CATSPERB: variants seen among roughly 807,000 people sequenced by gnomAD.
The protein encoded by CATSPERB is cation channel sperm-associated auxiliary subunit beta.
A neutral mutation model predicts 128.3 loss-of-function variants in CATSPERB; 93 were observed. That is an observed-to-expected ratio of 0.72 (90% CI 0.61 to 0.86). The LOEUF (loss-of-function observed/expected upper bound fraction) is 0.86, where lower values mean the gene tolerates loss of function less well. CATSPERB is among the 40% of genes least tolerant of loss of function. The probability of loss-of-function intolerance (pLI) is 0.00; values close to 1 mark genes in which losing one functional copy is unlikely to be tolerated. For missense variants in CATSPERB, 1,153 were observed against 1,329.5 expected, an observed-to-expected ratio of 0.87 and a Z score of 2.06; for synonymous variants, 381 against 448.8, an observed-to-expected ratio of 0.85 and a Z score of 1.91.
chr14:91,611,183 G>A (rs1445462346), intron 20 of CATSPERB, among the ~76,000 whole-genome samples: 1 of 152,142 alleles, frequency 6.6e-6, no homozygotes, highest in African/African-American at 2.4e-5. Context: ...AGACATGACA[G>A]AAGTAGAAAA....
At chr14:91,664,535 G>C (rs574792719) in intron 14 of CATSPERB, among the ~76,000 whole-genome samples, 87 of 151,948 alleles carry the variant, frequency 5.7e-4, no homozygotes, top group African/African-American at 2.1e-3. Flanking sequence ...CAAAGTGCTG[G>C]GATTACAGTC....
chr14:91,672,022 A>AAACAACAACAACAACAACAACAACAAC (rs35442642), intron 13 of CATSPERB, among the ~76,000 whole-genome samples: 2 of 150,026 alleles, frequency 1.3e-5, no homozygotes, highest in African/African-American at 4.9e-5. Context: ...TCTGTCTCAA[A>AAACAACAACAACAACAACAACAACAAC]AACAACAACA....
chr14:91,714,483 A>G (rs1200658454), intron 5 of CATSPERB, among the ~76,000 whole-genome samples: 1 of 151,836 alleles, frequency 6.6e-6, no homozygotes, highest in East Asian at 1.9e-4. Flanking sequence ...TCTTCTACAT[A>G]TGAACAATGA....
chr14:91,708,081 T>C (rs1474027860), intron 6 of CATSPERB, 60 bp downstream of exon 6: 2 of 1,090,424 alleles, frequency 1.8e-6, no homozygotes, highest in South Asian at 1.3e-5. Context: ...ATATAGCGGA[T>C]GTCAAAGTTT....
At chr14:91,697,791 AT>A (rs1264126997) in intron 7 of CATSPERB, among the ~76,000 whole-genome samples, 1 of 152,124 alleles carries the variant, frequency 6.6e-6, no homozygotes, top group African/African-American at 2.4e-5. Flanking sequence ...GTCTTGTAGT[AT>A]AGTTTGAAGT....
intron 22 of CATSPERB, among the ~76,000 whole-genome samples, chr14:91,601,692 A>G (rs566269006): frequency 3.3e-5 from 5 of 152,260 alleles, no homozygotes; most frequent in African/African-American, 1.2e-4. Flanking sequence ...ACATTGATAA[A>G]TCATTTTTGA....
chr14:91,639,238 T>C lies in CATSPERB; in HGVS notation c.1445A>G (p.Tyr482Cys), dbSNP rs547048522. Reference protein sequence around the residue: ...VYSTKAGMGRYSAVGSVTERI... With the variant: ...VYSTKAGMGRCSAVGSVTERI... Reference sequence around the variant, plus strand: ...CTCAGTAACACTTCCGACTGCACTGTATCTTCCCATTCCTATTAGGAAATA... The same window carrying C: ...CTCAGTAACACTTCCGACTGCACTGCATCTTCCCATTCCTATTAGGAAATA... Residue 482 changes from tyrosine to cysteine, a missense_variant, in exon 16 of 27, where the codon TAC becomes TGC. Tyr to Cys is a radical substitution (Grantham distance 194). Transcript: ENST00000256343. 4.3e-6 allele frequency: 7 copies of C among 1,613,310 alleles called. No individual in the cohort carries two copies. In the South Asian group the frequency reaches 7.7e-5, roughly 18 times the overall value.
chr14:91,640,231 T>C (rs1894466293), intron 15 of CATSPERB, among the ~76,000 whole-genome samples: 1 of 147,294 alleles, frequency 6.8e-6, no homozygotes, highest in African/African-American at 2.5e-5. Flanking sequence ...AAAACCTCAA[T>C]GTCATTCTTT....
chr14:91,608,553 C>A lies in CATSPERB; in HGVS notation c.2599-149G>T. On this transcript the variant is annotated intron_variant, in intron 21 of 26. Coordinates refer to ENST00000256343, the MANE Select transcript of CATSPERB (RefSeq NM_024764.4). ...AAATTTATCTCCCCCAACTTTTCTA[C>A]CCCTCATTTTCTGGAATTTCAACAA... The A allele has an allele frequency of 9.9e-6, 6 of 605,664 alleles. 1 individual carries two copies. The South Asian group carries it at 1.2e-4, about 13-fold the overall frequency. 37.5% of individuals were successfully genotyped at this position (605,664 alleles called of 1,614,324 possible). A position where few individuals can be genotyped will look rare whatever the true frequency, so the allele number is the denominator to read the frequency against.
chr14:91,603,327 G>C (rs1893640496), intron 22 of CATSPERB: 3 of 1,581,318 alleles, frequency 1.9e-6, no homozygotes, highest in Non-Finnish European at 1.7e-6. Flanking sequence ...AGGAAATAGT[G>C]GGGGTGGTTT....
intron 7 of CATSPERB, among the ~76,000 whole-genome samples, chr14:91,698,859 A>G (rs1895602985): frequency 6.6e-6 from 1 of 151,556 alleles, no homozygotes; most frequent in Admixed American, 6.6e-5. Flanking sequence ...CTCCCTCCCA[A>G]CCTCCTCCTT....
chr14:91,605,624 C>T (rs1893686707), intron 22 of CATSPERB, among the ~76,000 whole-genome samples: 1 of 152,172 alleles, frequency 6.6e-6, no homozygotes, highest in African/African-American at 2.4e-5. Flanking sequence ...ATGTTCCAGG[C>T]TGAATGGTCT....
rs1171120668 is a variant in CATSPERB at position 91,610,634 on chromosome 14, T to C, written c.2444A>G (p.Glu815Gly). Residue 815 changes from glutamate (E) to glycine (G), a missense_variant, in exon 21 of 27, where the codon GAG (glutamate) becomes GGG (glycine). Physicochemically the swap from Glu to Gly is moderately conservative, Grantham distance 98. Coordinates refer to ENST00000256343, the MANE Select transcript of CATSPERB (RefSeq NM_024764.4). The stretch of plus-strand genomic sequence containing the variant: ...TGGCACCATTGTCGTAACAAAGCAC[T>C]CAGTAGAGGCTGACCACATAATAAA... ...LAFIMWSASTECFVTTMVPTL... is the reference protein window; with the variant it reads ...LAFIMWSASTGCFVTTMVPTL... 1 of 1,612,322 alleles carries C rather than the reference T, an allele frequency of 6.2e-7. No homozygotes were observed. Among genetic ancestry groups the C allele is most frequent in the South Asian group, 1.1e-5 (1 of 91,036 alleles).
At position 91,624,941 on chromosome 14, in the gene CATSPERB, T is replaced by C. The variant is rs1489216155; in HGVS notation, c.1809A>G (p.Ser603=). 1.2e-6 allele frequency: 2 copies of C among 1,612,646 alleles called. No individual in the cohort carries two copies. Among genetic ancestry groups the C allele is most frequent in the Non-Finnish European group, 1.7e-6 (2 of 1,179,580 alleles). The change falls in exon 18 of 27, where the codon TCA becomes TCG. Residue 603 remains serine (S), a synonymous_variant. Transcript: ENST00000256343. ...AGGGCTCTTTCATTTCTGCAATAACTGAGGACAAAAATCCTTTAGGAGTCG... is the reference window on the plus strand; with the variant it reads ...AGGGCTCTTTCATTTCTGCAATAACCGAGGACAAAAATCCTTTAGGAGTCG... The part of the protein sequence containing the change: ...QHTTPKGFLS[S]VIAEMKEPFG...
At chr14:91,636,910 G>C (rs1174037282) in intron 16 of CATSPERB, among the ~76,000 whole-genome samples, 1 of 152,136 alleles carries the variant, frequency 6.6e-6, no homozygotes, top group Admixed American at 6.5e-5. Context: ...TTTAGAACTG[G>C]GTTCTTATTT....
At chr14:91,627,046 C>T (rs962638929) in intron 17 of CATSPERB, among the ~76,000 whole-genome samples, 1 of 152,110 alleles carries the variant, frequency 6.6e-6, no homozygotes, top group Admixed American at 6.6e-5. Flanking sequence ...AACATTTGGT[C>T]GACCTCATTT....
intron 15 of CATSPERB, among the ~76,000 whole-genome samples, chr14:91,639,596 C>A (rs1313196269): frequency 2.6e-5 from 4 of 152,184 alleles, no homozygotes; most frequent in African/African-American, 9.7e-5. Context: ...AGCAAGAAAA[C>A]AATCCTTAGG....
intron 7 of CATSPERB, among the ~76,000 whole-genome samples, chr14:91,696,937 C>G (rs1895573320): frequency 6.6e-6 from 1 of 152,100 alleles, no homozygotes; most frequent in Non-Finnish European, 1.5e-5. Flanking sequence ...TATAATCAAT[C>G]TTTATTTTCT....
At chr14:91,614,653 T>C (rs1459933317) in intron 20 of CATSPERB, among the ~76,000 whole-genome samples, 1 of 151,246 alleles carries the variant, frequency 6.6e-6, no homozygotes, top group East Asian at 1.9e-4. Flanking sequence ...ACACAAAAAT[T>C]AGCCAGGCGT....
Sources: gnomAD v4.1 joint callset for allele counts (sites outside exome capture counted in the v4.1 genomes callset) on GRCh38, gnomAD v4.1.1 for gene constraint, MANE v1.5 for transcripts, NCBI Gene and HGNC (gene_info 2026-07-23, HGNC 2026-07-21) for gene names.